INPP4B: variants seen among roughly 807,000 people sequenced by gnomAD.
INPP4B encodes inositol polyphosphate 4-phosphatase type II.
In INPP4B, 55 loss-of-function variants were observed where a neutral mutation model predicts 122.5. The ratio of observed to expected loss-of-function variants is 0.45; its 90% CI spans 0.36 to 0.56. INPP4B has a LOEUF of 0.56. Among genes scored for constraint, INPP4B ranks in the 20% least tolerant of loss-of-function variants. The pLI, the probability that INPP4B is intolerant of heterozygous loss-of-function variation, is 0.00. For missense variants in INPP4B, 1,000 were observed against 1,097.7 expected (o/e 0.91, Z 1.26); for synonymous variants, 403 against 388.7 (o/e 1.04, Z -0.43).
intron 2 of INPP4B, among the ~76,000 whole-genome samples, chr4:142,650,589 G>T (rs143937148): frequency 0.012 from 1,782 of 149,844 alleles, 16 homozygotes; most frequent in Middle Eastern, 0.021. Flanking sequence ...TGATGAAATA[G>T]ACTTGAAACC....
At chr4:142,083,831 AATAAAATAGACC>A (rs1201648506) in intron 24 of INPP4B, among the ~76,000 whole-genome samples, 2 of 152,076 alleles carry the variant, frequency 1.3e-5, no homozygotes, top group Non-Finnish European at 1.5e-5. Context: ...TATTTATAAT[AATAAAATAGACC>A]ATAATGGCTA....
chr4:142,145,544 G>A (rs1810232176), intron 18 of INPP4B, among the ~76,000 whole-genome samples: 1 of 151,958 alleles, frequency 6.6e-6, no homozygotes, highest in Admixed American at 6.6e-5. Context: ...AATTTTGGAG[G>A]AATGTGTAAA....
chr4:142,634,542 A>ACAT (rs1008789848), intron 2 of INPP4B, among the ~76,000 whole-genome samples: 6 of 152,298 alleles, frequency 3.9e-5, no homozygotes, highest in African/African-American at 1.2e-4. Flanking sequence ...GTAAAAATTA[A>ACAT]CATTGCAATT....
intron 2 of INPP4B, among the ~76,000 whole-genome samples, chr4:142,468,938 T>G (rs1280346206): frequency 6.6e-6 from 1 of 152,182 alleles, no homozygotes; most frequent in Non-Finnish European, 1.5e-5. Context: ...ATATGTGTCT[T>G]GGAAATTATT....
intron 7 of INPP4B, among the ~76,000 whole-genome samples, chr4:142,323,741 A>G (rs544071655): frequency 6.5e-4 from 98 of 150,392 alleles, no homozygotes; most frequent in Admixed American, 1.9e-3. Context: ...CACAGCGCCC[A>G]GCAGATCTTT....
chr4:142,240,228 T>A (rs74558445), intron 11 of INPP4B, among the ~76,000 whole-genome samples: 15,012 of 151,658 alleles, frequency 0.099, 841 homozygotes, highest in Middle Eastern at 0.14. Context: ...AAGACAGGGT[T>A]TCACCATTGT....
chr4:142,299,000 C>T (rs1168021703), intron 9 of INPP4B, among the ~76,000 whole-genome samples: 4 of 152,040 alleles, frequency 2.6e-5, no homozygotes. Flanking sequence ...TTATGAGGTC[C>T]AAGTCAGTGT....
At chr4:142,360,730 T>A (rs1248965090) in intron 7 of INPP4B, among the ~76,000 whole-genome samples, 1 of 151,910 alleles carries the variant, frequency 6.6e-6, no homozygotes, top group Non-Finnish European at 1.5e-5. Context: ...AGATGATGGT[T>A]ATGGTGACTA....
chr4:142,469,314 T>C (rs1001923760), intron 2 of INPP4B, among the ~76,000 whole-genome samples: 19 of 151,828 alleles, frequency 1.3e-4, no homozygotes, highest in African/African-American at 4.3e-4. Context: ...AACAACAAAA[T>C]CAATAAAGAA....
intron 2 of INPP4B, among the ~76,000 whole-genome samples, chr4:142,718,312 T>G (rs1284591839): frequency 6.6e-6 from 1 of 152,230 alleles, no homozygotes; most frequent in East Asian, 1.9e-4. Context: ...GGAAGTTAGC[T>G]TTTTAAGTGT....
chr4:142,182,546 CA>C (rs68095300), intron 15 of INPP4B, among the ~76,000 whole-genome samples: 2 of 30,690 alleles, frequency 6.5e-5, no homozygotes, highest in African/African-American at 1.7e-4. Context: ...GACTCTGTCT[CA>C]AAAAAAAAAA....
chr4:142,398,387 A>G (rs1414791699), intron 7 of INPP4B, among the ~76,000 whole-genome samples: 3 of 25,112 alleles, frequency 1.2e-4, no homozygotes, highest in Admixed American at 4.0e-4. Flanking sequence ...AAAAAAAAAA[A>G]AAAAAAAAAA....
chr4:142,789,467 T>A (rs1196957610), intron 1 of INPP4B, among the ~76,000 whole-genome samples: 1 of 152,074 alleles, frequency 6.6e-6, no homozygotes, highest in East Asian at 1.9e-4. Context: ...AATCAAGAAC[T>A]CAACCCCTTT....
At chr4:142,565,732 T>G (rs2150138750) in intron 2 of INPP4B, among the ~76,000 whole-genome samples, 1 of 152,264 alleles carries the variant, frequency 6.6e-6, no homozygotes, top group South Asian at 2.1e-4. Context: ...ATATAGTGCC[T>G]TTGTAGTGAA....
At position 142,787,068 on chromosome 4, in the gene INPP4B, C is replaced by T. The variant is rs372236043; in HGVS notation, c.-254+59141G>A. On this transcript the variant is annotated intron_variant, in intron 1 of 25. Coordinates refer to ENST00000262992, the MANE Select transcript of INPP4B (RefSeq NM_001101669.3). ...TATCAAATGTTAAAAATAAGGGAAA[C>T]TGTGTGCATGGGATATGTAGGAATT... Among the ~76,000 whole-genome samples, 6 of 152,146 alleles carry T rather than the reference C, an allele frequency of 3.9e-5. No individual in the cohort carries two copies. The East Asian group carries it at 9.7e-4, about 25-fold the overall frequency.
At chr4:142,186,268 T>A (rs555054107) in intron 15 of INPP4B, among the ~76,000 whole-genome samples, 1 of 152,346 alleles carries the variant, frequency 6.6e-6, no homozygotes, top group African/African-American at 2.4e-5. Flanking sequence ...ATATATAAAC[T>A]CATCAAATTT....
chr4:142,709,315 G>A (rs1762833966), intron 2 of INPP4B, among the ~76,000 whole-genome samples: 1 of 152,102 alleles, frequency 6.6e-6, no homozygotes, highest in Non-Finnish European at 1.5e-5. Context: ...AATGAGTTAA[G>A]GCTTTGGGGG....
At chr4:142,429,755 T>A (rs1808882864) in intron 4 of INPP4B, among the ~76,000 whole-genome samples, 1 of 152,084 alleles carries the variant, frequency 6.6e-6, no homozygotes, top group African/African-American at 2.4e-5. Flanking sequence ...TGGTCAGCAA[T>A]GTTTAAAAAA....
At chr4:142,557,649 C>T (rs1370118047) in intron 2 of INPP4B, among the ~76,000 whole-genome samples, 1 of 152,030 alleles carries the variant, frequency 6.6e-6, no homozygotes, top group Non-Finnish European at 1.5e-5. Flanking sequence ...AAACATTAAC[C>T]CCAACATGTC....
Sources: allele counts gnomAD v4.1 joint callset (sites outside exome capture counted in the v4.1 genomes callset), GRCh38; gene constraint gnomAD v4.1.1; transcripts MANE v1.5; gene names NCBI Gene and HGNC (gene_info 2026-07-23, HGNC 2026-07-21).